Variants in ACP1 observed in about 807,000 individuals in gnomAD.
The protein encoded by ACP1 is low molecular weight phosphotyrosine protein phosphatase.
A neutral mutation model predicts 23.4 loss-of-function variants in ACP1; 23 were observed. The observed-to-expected ratio is 0.98, with a 90% CI of 0.71 to 1.39. The LOEUF is 1.39. Among genes scored for constraint, ACP1 ranks in the 40% most tolerant of loss-of-function variants. ACP1 has a pLI of 0.00. For synonymous variants in ACP1, 72 were observed against 67.2 expected (o/e 1.07, Z -0.35); for missense variants, 180 against 197.7 (o/e 0.91, Z 0.54).
chr2:269,258 G>T (rs1669970315), intron 1 of ACP1: 1 of 467,456 alleles, frequency 2.1e-6, no homozygotes, highest in Non-Finnish European at 4.4e-6. Context: ...CATATAGAGG[G>T]TATTCAAGGC....
chr2:268,270 A>G (rs990062640), intron 1 of ACP1, among the ~76,000 whole-genome samples: 7 of 152,240 alleles, frequency 4.6e-5, no homozygotes, highest in African/African-American at 1.2e-4. Flanking sequence ...CTTGGTAGCC[A>G]TATAGAGGAC....
chr2:266,095 C>T (rs1669872490), intron 1 of ACP1, among the ~76,000 whole-genome samples: 1 of 152,028 alleles, frequency 6.6e-6, no homozygotes, highest in Non-Finnish European at 1.5e-5. Flanking sequence ...GGTGTGATTC[C>T]TTATCGACAT....
intron 1 of ACP1, among the ~76,000 whole-genome samples, chr2:266,844 G>A (rs761910868): frequency 1.6e-4 from 24 of 151,932 alleles, no homozygotes; most frequent in Non-Finnish European, 3.1e-4. Flanking sequence ...TTTTACTTAA[G>A]GGTAGTGCTT....
intron 1 of ACP1, among the ~76,000 whole-genome samples, chr2:265,868 C>G (rs1205168797): frequency 6.6e-6 from 1 of 152,192 alleles, no homozygotes; most frequent in Non-Finnish European, 1.5e-5. Context: ...CTTCCAGAAC[C>G]TTTCGTTGTT....
chr2:266,733 T>C (rs552815533), intron 1 of ACP1, among the ~76,000 whole-genome samples: 1 of 152,366 alleles, frequency 6.6e-6, no homozygotes, highest in African/African-American at 2.4e-5. Context: ...TTTTTCCTTG[T>C]TTACATTTTC....
At position 277,101 on chromosome 2, in the gene ACP1, G is replaced by GT. The variant is rs757660318; in HGVS notation, c.399+20dup. The GT allele has an allele frequency of 3.1e-6, 5 of 1,591,026 alleles. No homozygotes were observed. The highest frequency in any genetic ancestry group is 4.3e-6 in the Non-Finnish European group (5 of 1,159,152). On this transcript the variant is annotated intron_variant, in intron 5 of 5. Coordinates refer to ENST00000272065, the MANE Select transcript of ACP1 (RefSeq NM_004300.4). ...TCCCTATTATGTAAGTACAGTTCAC[G>GT]TTTTAGGGCTAATATGAAGACCCAA...
intron 2 of ACP1, 40 bp from the exon 3 acceptor site, chr2:271,997 G>A: frequency 2.6e-6 from 3 of 1,148,154 alleles, no homozygotes; most frequent in African/African-American, 2.9e-5. Context: ...GCAGGAAATT[G>A]CAAAAAAAAA....
intron 3 of ACP1, among the ~76,000 whole-genome samples, chr2:273,675 T>C (rs1292266332): frequency 6.6e-6 from 1 of 152,256 alleles, no homozygotes; most frequent in Non-Finnish European, 1.5e-5. Flanking sequence ...GTTTCATTTA[T>C]AGCTGCAAGT....
chr2:268,897 G>T (rs2103071728), intron 1 of ACP1, among the ~76,000 whole-genome samples: 1 of 152,336 alleles, frequency 6.6e-6, no homozygotes, highest in South Asian at 2.1e-4. Flanking sequence ...GCTACTGCTA[G>T]CCTTTAGGAC....
At chr2:270,412 C>T (rs1434555375) in intron 1 of ACP1, among the ~76,000 whole-genome samples, 1 of 152,160 alleles carries the variant, frequency 6.6e-6, no homozygotes, top group Admixed American at 6.5e-5. Context: ...GCCACAATCC[C>T]TCTGAGTTAA....
chr2:266,134 ATT>A (rs1669874387), intron 1 of ACP1, among the ~76,000 whole-genome samples: 1 of 152,206 alleles, frequency 6.6e-6, no homozygotes, highest in Admixed American at 6.5e-5. Context: ...TACTATAATT[ATT>A]TGATAGTCTG....
At chr2:267,636 C>A (rs1286076966) in intron 1 of ACP1, among the ~76,000 whole-genome samples, 2 of 152,234 alleles carry the variant, frequency 1.3e-5, no homozygotes, top group African/African-American at 4.8e-5. Flanking sequence ...TAGTTTTTCT[C>A]AGTCAGGATT....
rs768955905 is a variant in ACP1 at position 272,127 on chromosome 2, C to T, written c.208C>T (p.Pro70Ser). The change falls in exon 3 of 6, where the codon CCC becomes TCC. Residue 70 changes from proline to serine, a missense_variant. By Grantham distance (74) the Pro-to-Ser change is moderately conservative (BLOSUM62 -1). This residue lies in a region of ACP1 where 132 missense variants were observed against 124.1 expected (regional missense o/e 1.06). Coordinates refer to ENST00000272065, the MANE Select transcript of ACP1 (RefSeq NM_004300.4). Reference protein sequence around the residue: ...GQSCMKRHGIPMSHVARQITK... With the variant: ...GQSCMKRHGISMSHVARQITK... ...GAGCTGCATGAAGAGGCACGGCATT[C>T]CCATGAGCCACGTTGCCCGGCAGGT... 1.2e-6 allele frequency: 2 copies of T among 1,614,216 alleles called. No individual in the cohort carries two copies. Among genetic ancestry groups the T allele is most frequent in the Admixed American group, 1.7e-5 (1 of 60,024 alleles).
In ACP1 at chr2:272,072, G is replaced by C; in HGVS notation, c.153G>C (p.Glu51Asp). ...RVDSAATSGY[E>D]IGNPPDYRGQ... ...ACAGCGCGGCAACTTCCGGGTATGAGATAGGGAACCCCCCTGACTACCGAG... is the reference window on the plus strand; with the variant it reads ...ACAGCGCGGCAACTTCCGGGTATGACATAGGGAACCCCCCTGACTACCGAG... Residue 51 changes from glutamate to aspartate, a missense_variant, in exon 3 of 6, where the codon GAG becomes GAC. Coordinates refer to ENST00000272065, the MANE Select transcript of ACP1 (RefSeq NM_004300.4). The C allele has an allele frequency of 1.9e-6, 3 of 1,614,040 alleles. No individual in the cohort carries two copies. The South Asian group carries it at 3.3e-5, about 18-fold the overall frequency.
In ACP1 at chr2:268,928, A is replaced by G. The variant is rs577036341; in HGVS notation, c.44-2938A>G. ...AGGACAGTTAATAATGCAAGTTTTC[A>G]TATTGTTGTGGGGAAAGTAAGCTGT... is the stretch of plus-strand genomic sequence containing the variant. On this transcript the variant is annotated intron_variant, in intron 1 of 5. Transcript: ENST00000272065. 1.1e-4 allele frequency among the ~76,000 whole-genome samples: 17 copies of G among 152,346 alleles called. 1 individual carries two copies. The highest frequency in any genetic ancestry group is 8.3e-4 in the South Asian group (4 of 4,828).
intron 1 of ACP1, among the ~76,000 whole-genome samples, chr2:270,329 C>T (rs1669994930): frequency 6.6e-6 from 1 of 152,188 alleles, no homozygotes; most frequent in African/African-American, 2.4e-5. Flanking sequence ...TTTTAGGGCT[C>T]CTGTATACCA....
At position 277,592 on chromosome 2, in the gene ACP1, A is replaced by G. The variant is rs1572200755; in HGVS notation, c.*288A>G. 2.4e-6 allele frequency: 1 copy of G among 423,416 alleles called. No homozygotes were observed. The highest frequency in any genetic ancestry group is 2.0e-5 in the African/African-American group (1 of 50,164). The allele number at this position is 423,416 out of a possible 1,614,324, so 26.2% of individuals were successfully genotyped here. ...ACAAAAATAGTAGAACAAGCAACAT[A>G]AAACAATGAAGGAAAACCTCACTTG... On this transcript the variant is annotated 3_prime_UTR_variant, in exon 6 of 6. Coordinates refer to ENST00000272065, the MANE Select transcript of ACP1 (RefSeq NM_004300.4).
intron 1 of ACP1, 150 bp downstream of exon 1, chr2:265,157 G>C: frequency 1.2e-6 from 1 of 862,684 alleles, no homozygotes; most frequent in Non-Finnish European, 1.7e-6. Context: ...GTGTGCCGCA[G>C]CGCCCCTGTT....
chr2:277,255 A>C lies in ACP1; in HGVS notation c.428A>C (p.Tyr143Ser). 6.2e-7 allele frequency: 1 copy of C among 1,613,670 alleles called. No homozygotes were observed. Among genetic ancestry groups the C allele is most frequent in the Non-Finnish European group, 8.5e-7 (1 of 1,180,030 alleles). The change falls in exon 6 of 6, where the codon TAC becomes TCC. Residue 143 changes from tyrosine (Y) to serine (S), a missense_variant. By Grantham distance (144) the Tyr-to-Ser change is moderately radical. Around this residue, in one of 3 missense-constraint regions of ACP1, gnomAD observed 35 missense variants for 40.5 expected, o/e 0.86. Transcript: ENST00000272065. ...YGNDSDFETV[Y>S]QQCVRCCRAF... is the part of the protein sequence containing the mutation. ...AATGACTCTGACTTTGAGACGGTGTACCAGCAGTGTGTCAGGTGCTGCAGA... is the reference window on the plus strand; with the variant it reads ...AATGACTCTGACTTTGAGACGGTGTCCCAGCAGTGTGTCAGGTGCTGCAGA...
Sources: allele counts gnomAD v4.1 joint callset (sites outside exome capture counted in the v4.1 genomes callset), GRCh38; gene constraint gnomAD v4.1.1; regional missense constraint gnomAD v4.1.1; transcripts MANE v1.5; gene names NCBI Gene and HGNC (gene_info 2026-07-23, HGNC 2026-07-21).